Variants in PRKN observed in about 807,000 individuals in gnomAD.
The protein encoded by PRKN is parkin RBR E3 ubiquitin protein ligase.
Under a neutral mutation model 59.5 loss-of-function variants are expected in PRKN, and 56 were observed. That is an observed-to-expected ratio of 0.94 (90% confidence interval 0.76 to 1.18). The LOEUF is 1.18. Among genes scored for constraint, PRKN ranks in the 50% most tolerant of loss-of-function variants. The pLI is 0.00. For missense variants in PRKN, 657 were observed against 596.4 expected (o/e 1.10, Z -1.06); for synonymous variants, 250 against 222.1 (o/e 1.13, Z -1.12).
chr6:162,570,401 A>G (rs1780272826), intron 1 of PRKN, among the ~76,000 whole-genome samples: 1 of 152,228 alleles, frequency 6.6e-6, no homozygotes, highest in African/African-American at 2.4e-5. Context: ...ATTATTTTTT[A>G]GTTTTGAGGT....
At chr6:161,971,343 C>A (rs1269312126) in intron 6 of PRKN, among the ~76,000 whole-genome samples, 1 of 152,110 alleles carries the variant, frequency 6.6e-6, no homozygotes, top group Non-Finnish European at 1.5e-5. Flanking sequence ...TCATGTTTAC[C>A]AACCTTAATG....
At chr6:161,661,848 C>T (rs987921769) in intron 7 of PRKN, among the ~76,000 whole-genome samples, 1 of 152,038 alleles carries the variant, frequency 6.6e-6, no homozygotes, top group African/African-American at 2.4e-5. Context: ...TATGGTGAAA[C>T]CCCGTCTCTA....
chr6:162,531,747 G>C (rs1444912541), intron 1 of PRKN, among the ~76,000 whole-genome samples: 1 of 152,108 alleles, frequency 6.6e-6, no homozygotes, highest in African/African-American at 2.4e-5. Context: ...GCTAATGGTA[G>C]TCCTACAAAG....
At chr6:162,468,404 G>A (rs1290009066) in intron 1 of PRKN, among the ~76,000 whole-genome samples, 2 of 152,196 alleles carry the variant, frequency 1.3e-5, no homozygotes, top group South Asian at 2.1e-4. Context: ...TCATTTGATT[G>A]ACATTTACTC....
chr6:162,057,063 G>C (rs933693875), intron 4 of PRKN, among the ~76,000 whole-genome samples: 2 of 152,138 alleles, frequency 1.3e-5, no homozygotes, highest in African/African-American at 4.8e-5. Flanking sequence ...AATCTGGAGG[G>C]GGGAGGTGGT....
Position 161,359,755 on chromosome 6 carries a change from C to G in PRKN, c.1285+333G>C, listed in dbSNP as rs1784904732. Reference sequence around the variant, plus strand: ...CAGCCATCAGCGCTGGGGAAGGTCACCAGGGAGGACAGAAAAACCACAGCT... The same window carrying G: ...CAGCCATCAGCGCTGGGGAAGGTCAGCAGGGAGGACAGAAAAACCACAGCT... On this transcript the variant is annotated intron_variant, in intron 11 of 11. Transcript: ENST00000366898. This position sits in a 1 kb window ranked among gnomAD's most constrained non-coding sequence, Gnocchi z 5.4. Among the ~76,000 whole-genome samples the G allele has an allele frequency of 6.6e-6, 1 of 152,142 alleles. No homozygotes were observed. Among genetic ancestry groups the G allele is most frequent in the Non-Finnish European group, 1.5e-5 (1 of 68,024 alleles).
chr6:161,864,550 T>G (rs1794035118), intron 6 of PRKN, among the ~76,000 whole-genome samples: 1 of 152,238 alleles, frequency 6.6e-6, no homozygotes, highest in Admixed American at 6.5e-5. Flanking sequence ...CTCCTGTTAA[T>G]GTTGATATTT....
intron 7 of PRKN, among the ~76,000 whole-genome samples, chr6:161,637,330 A>G (rs1783560973): frequency 6.6e-6 from 1 of 152,190 alleles, no homozygotes; most frequent in African/African-American, 2.4e-5. Flanking sequence ...CCATTTCATT[A>G]CCATAAATAA....
At position 162,087,484 on chromosome 6, in the gene PRKN, C is replaced by T. The variant is rs537110113; in HGVS notation, c.535-33310G>A. ...ATTTTTTTAAAAATTGGGCCAGAAA[C>T]GAGCACCTACTTTACGCTAGGCACT... On this transcript the variant is annotated intron_variant, in intron 4 of 11. Coordinates refer to ENST00000366898, the MANE Select transcript of PRKN (RefSeq NM_004562.3). 2.5e-4 allele frequency among the ~76,000 whole-genome samples: 38 copies of T among 151,654 alleles called. No individual in the cohort carries two copies. In the South Asian group the frequency reaches 3.8e-3, roughly 15 times the overall value.
At chr6:162,442,308 A>G (rs1043966719) in intron 2 of PRKN, among the ~76,000 whole-genome samples, 1 of 152,182 alleles carries the variant, frequency 6.6e-6, no homozygotes, top group African/African-American at 2.4e-5. Flanking sequence ...CGGAGCAGTG[A>G]TACCCACACA....
intron 6 of PRKN, among the ~76,000 whole-genome samples, chr6:161,929,055 G>A (rs941774994): frequency 2.0e-5 from 3 of 152,094 alleles, no homozygotes; most frequent in African/African-American, 7.2e-5. Context: ...ATACCCAGAA[G>A]GTGGAGGTAC....
intron 7 of PRKN, among the ~76,000 whole-genome samples, chr6:161,604,490 G>A (rs938221479): frequency 6.6e-6 from 1 of 152,124 alleles, no homozygotes; most frequent in Non-Finnish European, 1.5e-5. Context: ...AGGCCTTTAG[G>A]GCAGAACGGG....
At chr6:162,357,208 T>C (rs951255061) in intron 2 of PRKN, among the ~76,000 whole-genome samples, 4 of 151,922 alleles carry the variant, frequency 2.6e-5, no homozygotes, top group Admixed American at 6.6e-5. Context: ...AGAGAGAAAA[T>C]ATTCACAAAA....
intron 6 of PRKN, among the ~76,000 whole-genome samples, chr6:161,906,655 C>CATATATATATATATATATATATATAT (rs1168847600): frequency 3.0e-4 from 27 of 90,558 alleles, no homozygotes; most frequent in African/African-American, 1.4e-3. Flanking sequence ...TCTAATAGAA[C>CATATATATATATATATATATATATAT]ATACATATAT....
intron 1 of PRKN, among the ~76,000 whole-genome samples, chr6:162,596,809 G>A (rs553818276): frequency 5.3e-5 from 8 of 152,184 alleles, no homozygotes; most frequent in East Asian, 1.9e-4. Flanking sequence ...TTCTCCTGGC[G>A]CTAAAGGGTG....
At chr6:161,368,198 A>C (rs559350279) in intron 10 of PRKN, among the ~76,000 whole-genome samples, 12 of 150,928 alleles carry the variant, frequency 8.0e-5, no homozygotes, top group African/African-American at 2.9e-4. Context: ...GGCCAGTGCG[A>C]CGGTCAGGAG....
At chr6:162,014,871 C>T (rs1782875505) in intron 5 of PRKN, among the ~76,000 whole-genome samples, 2 of 151,826 alleles carry the variant, frequency 1.3e-5, no homozygotes, top group African/African-American at 2.4e-5. Context: ...AGAGGTCTTT[C>T]TCATGCCTTT....
chr6:162,588,014 T>G (rs1363805058), intron 1 of PRKN, among the ~76,000 whole-genome samples: 1 of 107,446 alleles, frequency 9.3e-6, no homozygotes, highest in African/African-American at 3.5e-5. Context: ...AGTTTTTGAG[T>G]TTTTTTTTTT....
intron 4 of PRKN, among the ~76,000 whole-genome samples, chr6:162,154,507 A>T (rs996552488): frequency 1.5e-5 from 2 of 137,454 alleles, no homozygotes; most frequent in Non-Finnish European, 3.1e-5. Flanking sequence ...CACTCTAGTG[A>T]CACTAGTACA....
Sources: allele counts gnomAD v4.1 joint callset (sites outside exome capture counted in the v4.1 genomes callset), GRCh38; gene constraint gnomAD v4.1.1; non-coding constraint Gnocchi (gnomAD v3.1); transcripts MANE v1.5; gene names NCBI Gene and HGNC (gene_info 2026-07-23, HGNC 2026-07-21).